Variants in HS6ST2 observed in about 807,000 individuals in gnomAD.
The protein encoded by HS6ST2 is heparan-sulfate 6-O-sulfotransferase 2.
HS6ST2 carries 17 observed loss-of-function variants against 33.0 expected under a neutral mutation model. The ratio of observed to expected loss-of-function variants is 0.52; its 90% CI spans 0.35 to 0.77. HS6ST2 has a LOEUF of 0.77. Ranked by LOEUF, HS6ST2 falls within the 30% of genes least tolerant of loss-of-function variation. HS6ST2 has a pLI of 0.01. For missense variants in HS6ST2, 519 were observed against 551.7 expected, an observed-to-expected ratio of 0.94 and a Z score of 0.59; for synonymous variants, 248 against 237.1, an observed-to-expected ratio of 1.05 and a Z score of -0.42.
chrX:132,808,185 A>G (rs1046748223), intron 2 of HS6ST2, among the ~76,000 whole-genome samples: 2 of 111,533 alleles, frequency 1.8e-5, no homozygotes, highest in Non-Finnish European at 3.8e-5. Context: ...AGAGATATAC[A>G]AAAAGGGAGA....
At chrX:132,662,034 T>C (rs867395862) in intron 4 of HS6ST2, among the ~76,000 whole-genome samples, 1 of 111,347 alleles carries the variant, frequency 9.0e-6, no homozygotes, top group African/African-American at 3.3e-5. Context: ...CTAATTGCAA[T>C]ACTAGTATAA....
intron 2 of HS6ST2, among the ~76,000 whole-genome samples, chrX:132,721,559 T>A (rs1018140614): frequency 8.9e-6 from 1 of 112,417 alleles, no homozygotes; most frequent in Non-Finnish European, 1.9e-5. Context: ...ATTCTGCTTA[T>A]CAGGTTAAGA....
chrX:132,660,166 G>A (rs575187211), intron 4 of HS6ST2, among the ~76,000 whole-genome samples: 2 of 111,736 alleles, frequency 1.8e-5, no homozygotes, highest in African/African-American at 6.5e-5. Context: ...ATAAGGACAG[G>A]GAATTTTGCC....
chrX:132,942,375 T>C (rs2066896142), intron 2 of HS6ST2, among the ~76,000 whole-genome samples: 1 of 111,653 alleles, frequency 9.0e-6, no homozygotes, highest in Non-Finnish European at 1.9e-5. Context: ...CCTCCAACAT[T>C]AATAATGCCT....
At chrX:132,810,431 GAGAGAA>G (rs2065330411) in intron 2 of HS6ST2, among the ~76,000 whole-genome samples, 1 of 107,833 alleles carries the variant, frequency 9.3e-6, no homozygotes. Flanking sequence ...GAAGGAAGGA[GAGAGAA>G]AGAGAGAGAC....
rs760368738 is a variant in HS6ST2, at chrX:132,637,526, C to T, written c.1068-8433G>A. Among the ~76,000 whole-genome samples the T allele has an allele frequency of 1.5e-3, 162 of 106,422 alleles. 4 individuals are homozygous for T. The highest frequency in any genetic ancestry group is 1.2e-3 in the Admixed American group (11 of 9,258). The allele number at this position is 106,422 out of a possible 115,157, so 92.4% of individuals were successfully genotyped here. Reference sequence around the variant, plus strand: ...ACTTTCCTTTGAGGCTACTGGTTCACGAAAGGCCATGATAAGGTTTTCCCT... The same window carrying T: ...ACTTTCCTTTGAGGCTACTGGTTCATGAAAGGCCATGATAAGGTTTTCCCT... On this transcript the variant is annotated intron_variant, in intron 4 of 4. Transcript: ENST00000370833.
At chrX:132,638,726 G>A (rs2063579704) in intron 4 of HS6ST2, among the ~76,000 whole-genome samples, 1 of 112,073 alleles carries the variant, frequency 8.9e-6, no homozygotes, top group African/African-American at 3.2e-5. Flanking sequence ...AGGAGGTGGG[G>A]AGCAAGGTGA....
intron 3 of HS6ST2, among the ~76,000 whole-genome samples, chrX:132,707,854 C>T (rs1264691207): frequency 2.7e-5 from 3 of 111,559 alleles, no homozygotes; most frequent in Non-Finnish European, 3.8e-5. Flanking sequence ...GCATTCTCAG[C>T]GTCCGTCTTC....
At chrX:132,885,502 T>C (rs922087845) in intron 2 of HS6ST2, among the ~76,000 whole-genome samples, 1 of 111,741 alleles carries the variant, frequency 8.9e-6, no homozygotes, top group Non-Finnish European at 1.9e-5. Context: ...TTGAAGAAGC[T>C]AGAAAGGAGA....
intron 3 of HS6ST2, among the ~76,000 whole-genome samples, chrX:132,680,071 T>C (rs1888075761): frequency 1.9e-5 from 2 of 104,708 alleles, no homozygotes; most frequent in African/African-American, 7.0e-5. Flanking sequence ...GCTTACGAGA[T>C]GACGATTAAG....
intron 3 of HS6ST2, among the ~76,000 whole-genome samples, chrX:132,705,824 G>C (rs972897522): frequency 3.6e-5 from 4 of 111,693 alleles, no homozygotes; most frequent in South Asian, 7.5e-4. Context: ...ATGTTAATTA[G>C]GTAATCTATG....
chrX:132,827,801 G>C (rs1004181978), intron 2 of HS6ST2, among the ~76,000 whole-genome samples: 3 of 110,611 alleles, frequency 2.7e-5, no homozygotes, highest in Admixed American at 9.7e-5. Context: ...GTTCTTGCTC[G>C]TGATGTTCCT....
intron 2 of HS6ST2, among the ~76,000 whole-genome samples, chrX:132,709,578 T>C (rs1326214046): frequency 1.8e-5 from 2 of 110,843 alleles, no homozygotes; most frequent in Non-Finnish European, 3.8e-5. Flanking sequence ...ACAAAAGCGA[T>C]ATACTTGGTG....
intron 4 of HS6ST2, among the ~76,000 whole-genome samples, chrX:132,653,868 T>TCTTATATGGCTGAAG (rs1314909771): frequency 2.7e-5 from 3 of 111,524 alleles, no homozygotes; most frequent in African/African-American, 9.8e-5. Context: ...ACTGCAGCAG[T>TCTTATATGGCTGAAG]CTTATATGGC....
At chrX:132,669,660 C>G (rs1162640326) in intron 3 of HS6ST2, 1 of 112,616 alleles carries the variant, frequency 8.9e-6, no homozygotes. Context: ...TTGGGAGATA[C>G]TATCAGATGA....
chrX:132,895,636 A>C (rs1472263786), intron 2 of HS6ST2, among the ~76,000 whole-genome samples: 1 of 111,669 alleles, frequency 9.0e-6, no homozygotes, highest in Non-Finnish European at 1.9e-5. Context: ...GTCTTTAGGA[A>C]TATCTATTAC....
At chrX:132,883,306 G>T (rs370855820) in intron 2 of HS6ST2, among the ~76,000 whole-genome samples, 1 of 111,104 alleles carries the variant, frequency 9.0e-6, no homozygotes, top group East Asian at 2.8e-4. Context: ...CAATTTCAGA[G>T]CCTGTTATTG....
At chrX:132,723,545 C>T (rs1602612365) in intron 2 of HS6ST2, among the ~76,000 whole-genome samples, 2 of 111,814 alleles carry the variant, frequency 1.8e-5, no homozygotes, top group African/African-American at 3.2e-5. Flanking sequence ...TGTGATACAT[C>T]GTATCAGCAG....
intron 2 of HS6ST2, among the ~76,000 whole-genome samples, chrX:132,894,976 C>T (rs1190123686): frequency 3.6e-5 from 4 of 112,467 alleles, no homozygotes; most frequent in African/African-American, 1.3e-4. Context: ...GCCAAGAAAA[C>T]TAAGTGAATG....
Sources: gnomAD v4.1 joint callset for allele counts (sites outside exome capture counted in the v4.1 genomes callset) on GRCh38, gnomAD v4.1.1 for gene constraint, MANE v1.5 for transcripts, NCBI Gene and HGNC (gene_info 2026-07-23, HGNC 2026-07-21) for gene names.